Variants in CBFB observed in about 807,000 individuals in gnomAD.
CBFB encodes the protein CBF-beta.
A neutral mutation model predicts 30.4 loss-of-function variants in CBFB; 9 were observed. The ratio of observed to expected loss-of-function variants is 0.30; its 90% CI spans 0.18 to 0.52. The LOEUF is 0.52. Among genes scored for constraint, CBFB ranks in the 20% least tolerant of loss-of-function variants. The probability of loss-of-function intolerance (pLI) is 0.97; values close to 1 mark genes in which losing one functional copy is unlikely to be tolerated. For synonymous variants in CBFB, 94 were observed against 84.0 expected, an observed-to-expected ratio of 1.12 and a Z score of -0.65; for missense variants, 170 against 244.0, an observed-to-expected ratio of 0.70 and a Z score of 2.02.
chr16:67,033,790 A>G (rs138143713), intron 2 of CBFB, among the ~76,000 whole-genome samples: 186 of 90,114 alleles, frequency 2.1e-3, no homozygotes, highest in Non-Finnish European at 3.6e-3. Flanking sequence ...TTGTTTTTGT[A>G]TTTTTAGTAG....
chr16:67,031,598 C>A (rs1013598632), intron 2 of CBFB, among the ~76,000 whole-genome samples: 1 of 152,204 alleles, frequency 6.6e-6, no homozygotes, highest in African/African-American at 2.4e-5. Context: ...GCAACCTTCG[C>A]CTCCTGGGTT....
intron 2 of CBFB, among the ~76,000 whole-genome samples, chr16:67,034,387 A>G (rs1966407764): frequency 6.6e-6 from 1 of 152,180 alleles, no homozygotes; most frequent in Non-Finnish European, 1.5e-5. Flanking sequence ...CTAGTGTAGC[A>G]TTTTAATGTT....
intron 3 of CBFB, among the ~76,000 whole-genome samples, chr16:67,037,787 G>C (rs1386594591): frequency 6.6e-6 from 1 of 150,760 alleles, no homozygotes; most frequent in Non-Finnish European, 1.5e-5. Context: ...TCCTGCCTCA[G>C]CCTCCTGAGT....
At chr16:67,060,577 C>T (rs889470795) in intron 3 of CBFB, among the ~76,000 whole-genome samples, 3 of 151,748 alleles carry the variant, frequency 2.0e-5, no homozygotes, top group African/African-American at 7.3e-5. Context: ...TTTTTTGAGA[C>T]GGAGATTCAG....
At chr16:67,045,032 T>C (rs141162920) in intron 3 of CBFB, among the ~76,000 whole-genome samples, 87 of 152,326 alleles carry the variant, frequency 5.7e-4, no homozygotes, top group African/African-American at 2.0e-3. Flanking sequence ...AAATATGCTT[T>C]AGATAAACTA....
At chr16:67,063,787 T>A (rs1960977240) in intron 3 of CBFB, among the ~76,000 whole-genome samples, 1 of 152,182 alleles carries the variant, frequency 6.6e-6, no homozygotes, top group African/African-American at 2.4e-5. Flanking sequence ...GTAATTTTTT[T>A]ATCATGTTTA....
At chr16:67,063,739 A>G (rs990328818) in intron 3 of CBFB, among the ~76,000 whole-genome samples, 1 of 152,174 alleles carries the variant, frequency 6.6e-6, no homozygotes, top group African/African-American at 2.4e-5. Flanking sequence ...GCCAGAGGGT[A>G]TAAATTCTAT....
intron 3 of CBFB, among the ~76,000 whole-genome samples, chr16:67,057,912 G>T (rs1960776638): frequency 6.6e-6 from 1 of 152,098 alleles, no homozygotes; most frequent in African/African-American, 2.4e-5. Context: ...TGTGTTGTAT[G>T]TTTTAGTATC....
intron 4 of CBFB, among the ~76,000 whole-genome samples, chr16:67,069,982 C>T (rs1231284468): frequency 1.3e-5 from 2 of 152,092 alleles, no homozygotes; most frequent in Non-Finnish European, 2.9e-5. Flanking sequence ...GAGTGAGTCC[C>T]TGTCTCTTTA....
At chr16:67,032,248 C>T (rs1313879805) in intron 2 of CBFB, among the ~76,000 whole-genome samples, 1 of 152,090 alleles carries the variant, frequency 6.6e-6, no homozygotes, top group African/African-American at 2.4e-5. Context: ...TCACCTGAGC[C>T]CGGGAGGTCG....
chr16:67,030,092 G>C, intron 2 of CBFB: 1 of 373,696 alleles, frequency 2.7e-6, no homozygotes, highest in Non-Finnish European at 4.8e-6. Context: ...GAAGGGCATT[G>C]TTTAGGCGGC....
chr16:67,053,164 A>G (rs941455324), intron 3 of CBFB, among the ~76,000 whole-genome samples: 6 of 150,784 alleles, frequency 4.0e-5, no homozygotes, highest in African/African-American at 1.2e-4. Flanking sequence ...TAAATAACGC[A>G]TTGTTTAGTT....
At chr16:67,090,214 T>TA (rs1044112626) in intron 5 of CBFB, among the ~76,000 whole-genome samples, 14 of 152,182 alleles carry the variant, frequency 9.2e-5, no homozygotes, top group African/African-American at 3.1e-4. Flanking sequence ...GGGTGCTAGT[T>TA]AGGTGGGTGT....
chr16:67,039,810 TGTG>T (rs1479059190), intron 3 of CBFB, among the ~76,000 whole-genome samples: 1 of 152,170 alleles, frequency 6.6e-6, no homozygotes, highest in African/African-American at 2.4e-5. Context: ...ACTCTGCTGT[TGTG>T]GTGTGAAAGG....
At chr16:67,055,821 C>CA (rs1398581311) in intron 3 of CBFB, among the ~76,000 whole-genome samples, 1 of 152,138 alleles carries the variant, frequency 6.6e-6, no homozygotes, top group Admixed American at 6.6e-5. Context: ...GATTATCTGA[C>CA]AGTTGAGCAG....
intron 4 of CBFB, among the ~76,000 whole-genome samples, chr16:67,076,228 CA>C (rs1183766291): frequency 1.3e-5 from 2 of 151,760 alleles, no homozygotes; most frequent in Admixed American, 1.3e-4. Context: ...GACTTCATCT[CA>C]AAAAAATTTA....
At position 67,029,252 on chromosome 16, in the gene CBFB, C is replaced by A. The variant is rs1426245373; in HGVS notation, c.-156C>A. ...AGCGGGCGGCGGCGCCTCAGACTCC[C>A]CGGAACGGGAGCCCACGCGGGCGGG... On this transcript the variant is annotated 5_prime_UTR_variant, in exon 1 of 6. Coordinates refer to ENST00000412916, the MANE Select transcript of CBFB (RefSeq NM_022845.3). 2 of 410,282 alleles carry A rather than the reference C, an allele frequency of 4.9e-6. No individual in the cohort carries two copies. The highest frequency in any genetic ancestry group is 4.7e-5 in the East Asian group (1 of 21,068). 25.4% of individuals were successfully genotyped at this position (410,282 alleles called of 1,614,324 possible). A position where few individuals can be genotyped will look rare whatever the true frequency, so the allele number is the denominator to read the frequency against.
intron 5 of CBFB, among the ~76,000 whole-genome samples, chr16:67,091,783 A>G (rs986220711): frequency 6.6e-6 from 1 of 152,008 alleles, no homozygotes; most frequent in African/African-American, 2.4e-5. Context: ...CAGAATGTGC[A>G]GGTTTGTTAC....
chr16:67,093,383 T>G (rs1409895928), intron 5 of CBFB: 1 of 148,716 alleles, frequency 6.7e-6, no homozygotes, highest in African/African-American at 2.5e-5. Flanking sequence ...TTTTTTTTTT[T>G]TTTTTTTTTT....
Sources: gnomAD v4.1 joint callset for allele counts (sites outside exome capture counted in the v4.1 genomes callset) on GRCh38, gnomAD v4.1.1 for gene constraint, MANE v1.5 for transcripts, NCBI Gene and HGNC (gene_info 2026-07-23, HGNC 2026-07-21) for gene names.